B3GALT1: variants seen among roughly 807,000 people sequenced by gnomAD.
B3GALT1 encodes the protein beta-1,3-galactosyltransferase 1, also known as UDP-Gal:betaGlcNAc beta 1,3-galactosyltransferase, polypeptide 1.
In B3GALT1, 10 loss-of-function variants were observed where a neutral mutation model predicts 23.2. The ratio of observed to expected loss-of-function variants is 0.43; its 90% CI spans 0.27 to 0.73. The LOEUF is 0.73. B3GALT1 is among the 30% of genes least tolerant of loss of function. The pLI is 0.21. For missense variants in B3GALT1, 299 were observed against 405.4 expected, an observed-to-expected ratio of 0.74 and a Z score of 2.25; for synonymous variants, 156 against 141.5, an observed-to-expected ratio of 1.10 and a Z score of -0.73.
At position 167,719,090 on chromosome 2, in the gene B3GALT1, T is replaced by C. The variant is rs147748892; in HGVS notation, c.-352+72124T>C. On this transcript the variant is annotated intron_variant, in intron 3 of 4. Coordinates refer to ENST00000392690, the MANE Select transcript of B3GALT1 (RefSeq NM_020981.4). ...ACACAAATTAATCTAAAAAATAGCATTAGTTATTATAGCAGTCAAGGTCAA... is the reference window on the plus strand; with the variant it reads ...ACACAAATTAATCTAAAAAATAGCACTAGTTATTATAGCAGTCAAGGTCAA... Among the ~76,000 whole-genome samples the C allele has an allele frequency of 5.1e-3, 773 of 152,304 alleles. 7 individuals carry two copies. Among genetic ancestry groups the C allele is most frequent in the African/African-American group, 0.018 (730 of 41,564 alleles).
At chr2:167,738,435 A>G (rs1687525145) in intron 3 of B3GALT1, among the ~76,000 whole-genome samples, 1 of 152,214 alleles carries the variant, frequency 6.6e-6, no homozygotes. Context: ...TGGCAGTGAC[A>G]GGACCCACTC....
In B3GALT1 at chr2:167,407,133, A is replaced by G. The variant is rs989094002; in HGVS notation, c.-510-83044A>G. Among the ~76,000 whole-genome samples, 30 of 152,340 alleles carry G rather than the reference A, an allele frequency of 2.0e-4. 2 individuals are homozygous for G. The highest frequency in any genetic ancestry group is 1.7e-3 in the Admixed American group (26 of 15,296). On this transcript the variant is annotated intron_variant, in intron 1 of 4. Transcript: ENST00000392690. ...ATGAATTTTAAAAAATAGAAATCAT[A>G]TCAAGCATCTTTTCTGAACACAGTA... is the stretch of plus-strand genomic sequence containing the variant.
At chr2:167,458,786 A>C (rs764675458) in intron 1 of B3GALT1, among the ~76,000 whole-genome samples, 1 of 152,150 alleles carries the variant, frequency 6.6e-6, no homozygotes, top group Non-Finnish European at 1.5e-5. Context: ...TCCTTTGCCT[A>C]TTTTTAAACC....
At chr2:167,478,466 G>A (rs1027498513) in intron 1 of B3GALT1, among the ~76,000 whole-genome samples, 3 of 152,078 alleles carry the variant, frequency 2.0e-5, no homozygotes, top group African/African-American at 7.2e-5. Flanking sequence ...CAGATCTACT[G>A]TGTTAAGATG....
At chr2:167,619,388 T>C (rs763597596) in intron 2 of B3GALT1, among the ~76,000 whole-genome samples, 2 of 152,090 alleles carry the variant, frequency 1.3e-5, no homozygotes, top group Non-Finnish European at 2.9e-5. Context: ...ATTTGTCTAA[T>C]GGCTGCCCCC....
At chr2:167,592,435 A>G (rs1255842750) in intron 2 of B3GALT1, among the ~76,000 whole-genome samples, 1 of 152,108 alleles carries the variant, frequency 6.6e-6, no homozygotes, top group Non-Finnish European at 1.5e-5. Flanking sequence ...CCCACTTTCT[A>G]TGGCTGCAGG....
intron 1 of B3GALT1, among the ~76,000 whole-genome samples, chr2:167,399,388 A>T (rs1425674393): frequency 6.6e-6 from 1 of 152,158 alleles, no homozygotes; most frequent in African/African-American, 2.4e-5. Flanking sequence ...TATTCTGTAA[A>T]ATATAATTAC....
intron 2 of B3GALT1, among the ~76,000 whole-genome samples, chr2:167,546,427 A>C (rs1683636531): frequency 6.6e-6 from 1 of 152,142 alleles, no homozygotes; most frequent in African/African-American, 2.4e-5. Context: ...AGAGTTTGCA[A>C]CTGATAAGGT....
chr2:167,647,364 C>T (rs141749987), intron 3 of B3GALT1, among the ~76,000 whole-genome samples: 1 of 99,430 alleles, frequency 1.0e-5, no homozygotes, highest in Non-Finnish European at 2.6e-5. Flanking sequence ...TCCCTCAAAG[C>T]AGCAGCTTAC....
intron 2 of B3GALT1, among the ~76,000 whole-genome samples, chr2:167,536,539 A>G (rs1245037164): frequency 6.6e-6 from 1 of 152,214 alleles, no homozygotes; most frequent in Non-Finnish European, 1.5e-5. Flanking sequence ...AACTTCTTTC[A>G]ATCTGTATTT....
At chr2:167,515,235 C>G (rs1700082224) in intron 2 of B3GALT1, among the ~76,000 whole-genome samples, 1 of 152,080 alleles carries the variant, frequency 6.6e-6, no homozygotes, top group African/African-American at 2.4e-5. Flanking sequence ...AGATTTTCCT[C>G]TAGAGGTAAG....
At chr2:167,495,326 CTTTTTTTTTTT>C (rs954749958) in intron 2 of B3GALT1, among the ~76,000 whole-genome samples, 4 of 57,884 alleles carry the variant, frequency 6.9e-5, no homozygotes, top group Admixed American at 2.3e-4. Context: ...GCTTGCTTGC[CTTTTTTTTTTT>C]TTTTTTTTTT....
chr2:167,498,301 G>T (rs562763984), intron 2 of B3GALT1, among the ~76,000 whole-genome samples: 2 of 152,212 alleles, frequency 1.3e-5, no homozygotes, highest in African/African-American at 2.4e-5. Context: ...GAAACACATG[G>T]TTATAAGATT....
At chr2:167,694,449 T>C (rs1686761370) in intron 3 of B3GALT1, among the ~76,000 whole-genome samples, 4 of 151,594 alleles carry the variant, frequency 2.6e-5, no homozygotes. Context: ...TTAACTTAAC[T>C]ATGTAAACAA....
chr2:167,834,588 A>G (rs1452824317), intron 4 of B3GALT1, among the ~76,000 whole-genome samples: 1 of 152,158 alleles, frequency 6.6e-6, no homozygotes. Flanking sequence ...ATAGTAATAA[A>G]GTTTCTAGGC....
At chr2:167,658,908 A>G (rs1686006482) in intron 3 of B3GALT1, among the ~76,000 whole-genome samples, 1 of 152,118 alleles carries the variant, frequency 6.6e-6, no homozygotes, top group South Asian at 2.1e-4. Flanking sequence ...ACTAGATGAT[A>G]CCAACAGACC....
chr2:167,738,188 A>C (rs950709639), intron 3 of B3GALT1, among the ~76,000 whole-genome samples: 1 of 152,232 alleles, frequency 6.6e-6, no homozygotes, highest in African/African-American at 2.4e-5. Context: ...GCAAGAACTG[A>C]TGAGATAACT....
At chr2:167,789,038 C>T (rs536409142) in intron 3 of B3GALT1, among the ~76,000 whole-genome samples, 1 of 152,250 alleles carries the variant, frequency 6.6e-6, no homozygotes, top group African/African-American at 2.4e-5. Flanking sequence ...CATTCTAGTC[C>T]TGTAACAGCT....
chr2:167,411,264 A>C (rs969353516), intron 1 of B3GALT1, among the ~76,000 whole-genome samples: 2 of 151,972 alleles, frequency 1.3e-5, no homozygotes, highest in African/African-American at 4.8e-5. Flanking sequence ...AAATCAACAA[A>C]GTGAAAAGAC....
Sources: gnomAD v4.1 joint callset for allele counts (sites outside exome capture counted in the v4.1 genomes callset) on GRCh38, gnomAD v4.1.1 for gene constraint, MANE v1.5 for transcripts, NCBI Gene and HGNC (gene_info 2026-07-23, HGNC 2026-07-21) for gene names.